ASCC3: variants seen among roughly 807,000 people sequenced by gnomAD.
ASCC3 encodes the protein activating signal cointegrator 1 complex subunit 3.
In ASCC3, 158 loss-of-function variants were observed where a neutral mutation model predicts 256.3. The observed-to-expected ratio is 0.62, with a 90% CI of 0.54 to 0.70. The LOEUF (loss-of-function observed/expected upper bound fraction) is 0.70, where lower values mean the gene tolerates loss of function less well. Among genes scored for constraint, ASCC3 ranks in the 30% least tolerant of loss-of-function variants. The pLI is 0.00. For synonymous variants in ASCC3, 948 were observed against 883.4 expected (o/e 1.07, Z -1.30); for missense variants, 2,259 against 2,626.0 (o/e 0.86, Z 3.05).
At chr6:100,767,553 C>A (rs748763369) in intron 8 of ASCC3, among the ~76,000 whole-genome samples, 15 of 151,998 alleles carry the variant, frequency 9.9e-5, no homozygotes. Context: ...AATGGCAACT[C>A]GATAAATTTG....
At chr6:100,654,662 T>C (rs1775829775) in intron 17 of ASCC3, among the ~76,000 whole-genome samples, 1 of 152,018 alleles carries the variant, frequency 6.6e-6, no homozygotes, top group Non-Finnish European at 1.5e-5. Context: ...TAAACATTCA[T>C]TTAAAGATTA....
At chr6:100,799,626 A>G in intron 6 of ASCC3, 54 bp from the exon 7 acceptor site, 3 of 1,567,984 alleles carry the variant, frequency 1.9e-6, no homozygotes, top group Non-Finnish European at 2.6e-6. Flanking sequence ...AAGGTAATGC[A>G]TACACCAAAA....
In ASCC3 at chr6:100,508,416, A is replaced by G. The variant is rs929888997; in HGVS notation, c.*970T>C. The G allele has an allele frequency of 6.6e-6, 1 of 152,168 alleles. No homozygotes were observed. The highest frequency in any genetic ancestry group is 6.5e-5 in the Admixed American group (1 of 15,282). 9.4% of individuals were successfully genotyped at this position (152,168 alleles called of 1,614,324 possible). A position where few individuals can be genotyped will look rare whatever the true frequency, so the allele number is the denominator to read the frequency against. Reference sequence around the variant, plus strand: ...GAACATTGAATTTTAACAAGTTTTTAGTTTGAAAAAGTATTTTTCAAGAAG... The same window carrying G: ...GAACATTGAATTTTAACAAGTTTTTGGTTTGAAAAAGTATTTTTCAAGAAG... On this transcript the variant is annotated 3_prime_UTR_variant, in exon 42 of 42. Coordinates refer to ENST00000369162, the MANE Select transcript of ASCC3 (RefSeq NM_006828.4).
chr6:100,756,991 A>T (rs1320344754), intron 10 of ASCC3, among the ~76,000 whole-genome samples: 1 of 152,156 alleles, frequency 6.6e-6, no homozygotes, highest in Non-Finnish European at 1.5e-5. Context: ...ATGCTCACAG[A>T]TGGAGAGACA....
chr6:100,739,062 A>T (rs888925962), intron 10 of ASCC3, among the ~76,000 whole-genome samples: 1 of 152,118 alleles, frequency 6.6e-6, no homozygotes, highest in African/African-American at 2.4e-5. Flanking sequence ...ATTCAGTATG[A>T]TATTGGCCAT....
intron 13 of ASCC3, among the ~76,000 whole-genome samples, chr6:100,685,632 C>G (rs1777534718): frequency 6.6e-6 from 1 of 152,170 alleles, no homozygotes; most frequent in African/African-American, 2.4e-5. Flanking sequence ...TACAATAGTT[C>G]TGGCAAATAC....
chr6:100,768,399 G>A (rs1198201295), intron 8 of ASCC3, among the ~76,000 whole-genome samples: 1 of 152,076 alleles, frequency 6.6e-6, no homozygotes, highest in Non-Finnish European at 1.5e-5. Context: ...CAAAACACTG[G>A]TTGGGATTAC....
intron 30 of ASCC3, among the ~76,000 whole-genome samples, chr6:100,608,133 T>C (rs1370810495): frequency 1.6e-5 from 2 of 126,464 alleles, no homozygotes; most frequent in African/African-American, 6.1e-5. Flanking sequence ...TATACATATA[T>C]ATGTATATAT....
intron 40 of ASCC3, among the ~76,000 whole-genome samples, chr6:100,512,481 T>C (rs1773811830): frequency 6.6e-6 from 1 of 152,164 alleles, no homozygotes; most frequent in Non-Finnish European, 1.5e-5. Flanking sequence ...ACTTTGAGAA[T>C]AGTACTCTAG....
chr6:100,664,217 C>G (rs1049681171), intron 14 of ASCC3, among the ~76,000 whole-genome samples: 10 of 152,062 alleles, frequency 6.6e-5, no homozygotes, highest in African/African-American at 2.4e-4. Flanking sequence ...TCATGAGCTT[C>G]TTTTTGAACA....
At position 100,776,776 on chromosome 6, in the gene ASCC3, T is replaced by C. The variant is rs144506555; in HGVS notation, c.1396-9431A>G. On this transcript the variant is annotated intron_variant, in intron 8 of 41. Transcript: ENST00000369162. Reference sequence around the variant, plus strand: ...AGTTAATTAGAAAGCATTAACTAAGTATCTAGGATGAACCCAAGAACATGC... The same window carrying C: ...AGTTAATTAGAAAGCATTAACTAAGCATCTAGGATGAACCCAAGAACATGC... Among the ~76,000 whole-genome samples, 1,326 of 152,176 alleles carry C rather than the reference T, an allele frequency of 8.7e-3. 13 individuals carry two copies. Among genetic ancestry groups the C allele is most frequent in the Non-Finnish European group, 0.015 (1,017 of 67,954 alleles).
At chr6:100,708,102 C>A (rs1778689321) in intron 13 of ASCC3, among the ~76,000 whole-genome samples, 2 of 152,200 alleles carry the variant, frequency 1.3e-5, no homozygotes, top group South Asian at 4.2e-4. Context: ...ACAAAATGAC[C>A]ACAGTACTTG....
At chr6:100,782,107 T>C (rs1782477008) in intron 8 of ASCC3, among the ~76,000 whole-genome samples, 1 of 152,156 alleles carries the variant, frequency 6.6e-6, no homozygotes, top group Admixed American at 6.5e-5. Context: ...TAGGGAATTC[T>C]TGGGAGACTG....
intron 41 of ASCC3, 26 bp from the exon 42 acceptor site, chr6:100,509,559 T>C: frequency 1.3e-6 from 2 of 1,587,980 alleles, no homozygotes; most frequent in Non-Finnish European, 1.7e-6. Context: ...AGAAGAAAAA[T>C]GTAAAACCAC....
At chr6:100,558,176 G>A (rs1434272559) in intron 36 of ASCC3, among the ~76,000 whole-genome samples, 1 of 151,614 alleles carries the variant, frequency 6.6e-6, no homozygotes, top group African/African-American at 2.4e-5. Context: ...GTGCTCAAAA[G>A]CAAAAGACTT....
At chr6:100,570,661 A>G (rs1026980473) in intron 36 of ASCC3, among the ~76,000 whole-genome samples, 8 of 152,122 alleles carry the variant, frequency 5.3e-5, no homozygotes, top group African/African-American at 1.4e-4. Flanking sequence ...GACTGCCTAG[A>G]TGATCTCAAC....
At chr6:100,608,091 TATATACAC>T (rs1773023638) in intron 30 of ASCC3, among the ~76,000 whole-genome samples, 1 of 91,408 alleles carries the variant, frequency 1.1e-5, no homozygotes, top group African/African-American at 4.7e-5. Context: ...TATATATATC[TATATACAC>T]ATATATATGT....
At chr6:100,661,323 TCACACACA>T (rs749963143) in intron 16 of ASCC3, among the ~76,000 whole-genome samples, 8 of 141,516 alleles carry the variant, frequency 5.7e-5, no homozygotes, top group African/African-American at 1.0e-4. Flanking sequence ...AACACAAAAG[TCACACACA>T]CACACACACA....
Position 100,798,766 on chromosome 6 carries a change from G to T in ASCC3, c.1342C>A (p.Pro448Thr), listed in dbSNP as rs1241259856. The change falls in exon 8 of 42, where the codon CCA becomes ACA. Residue 448 changes from proline to threonine, a missense_variant. Transcript: ENST00000369162. Reference protein sequence around the residue: ...YEEVRIPYSEPMPLSFEEKPV... With the variant: ...YEEVRIPYSETMPLSFEEKPV... ...TTTTCCTCAAAGCTGAGTGGCATTGGTTCGCTGTAGGGAATCCTTACTTCT... is the reference window on the plus strand; with the variant it reads ...TTTTCCTCAAAGCTGAGTGGCATTGTTTCGCTGTAGGGAATCCTTACTTCT... 1 of 1,612,970 alleles carries T rather than the reference G, an allele frequency of 6.2e-7. No homozygotes were observed. The highest frequency in any genetic ancestry group is 1.3e-5 in the African/African-American group (1 of 74,872).
Sources: gnomAD v4.1 joint callset for allele counts (sites outside exome capture counted in the v4.1 genomes callset) on GRCh38, gnomAD v4.1.1 for gene constraint, MANE v1.5 for transcripts, NCBI Gene and HGNC (gene_info 2026-07-23, HGNC 2026-07-21) for gene names.